The following PARVA variants were observed in gnomAD, a reference collection of about 807,000 sequenced individuals.
PARVA encodes parvin alpha.
A neutral mutation model predicts 52.6 loss-of-function variants in PARVA; 25 were observed. The ratio of observed to expected loss-of-function variants is 0.48; its 90% CI spans 0.35 to 0.66. The LOEUF (loss-of-function observed/expected upper bound fraction) is 0.66. PARVA is among the 30% of genes least tolerant of loss of function. PARVA has a pLI of 0.01. For missense variants in PARVA, 373 were observed against 450.9 expected (o/e 0.83, Z 1.56); for synonymous variants, 185 against 179.1 (o/e 1.03, Z -0.26).
At chr11:12,526,553 A>G (rs1252549806) in intron 12 of PARVA, among the ~76,000 whole-genome samples, 3 of 152,196 alleles carry the variant, frequency 2.0e-5, no homozygotes, top group Admixed American at 6.5e-5. Context: ...CAAGCGAGCC[A>G]GCACGCAGCC....
chr11:12,383,879 T>C (rs726705), intron 1 of PARVA, among the ~76,000 whole-genome samples: 15,975 of 152,244 alleles, frequency 0.1, 1,997 homozygotes, highest in African/African-American at 0.31. Context: ...AAACCTGCAT[T>C]GTTCAAGGGG....
intron 1 of PARVA, among the ~76,000 whole-genome samples, chr11:12,386,248 C>T (rs1939570360): frequency 1.3e-5 from 2 of 152,160 alleles, no homozygotes; most frequent in Admixed American, 1.3e-4. Flanking sequence ...TTGCTGTCTC[C>T]TCTATTTCCC....
intron 1 of PARVA, among the ~76,000 whole-genome samples, chr11:12,427,438 C>A (rs950165025): frequency 1.3e-5 from 2 of 152,198 alleles, no homozygotes; most frequent in African/African-American, 4.8e-5. Flanking sequence ...AAATGAAAAT[C>A]ATTGACATGA....
intron 1 of PARVA, among the ~76,000 whole-genome samples, chr11:12,470,480 G>A (rs1204207415): frequency 6.6e-6 from 1 of 152,196 alleles, no homozygotes; most frequent in East Asian, 1.9e-4. Flanking sequence ...ACTTGCCCAA[G>A]GCCACAGAGC....
intron 1 of PARVA, among the ~76,000 whole-genome samples, chr11:12,454,964 A>G (rs1265083251): frequency 1.3e-5 from 2 of 152,230 alleles, no homozygotes; most frequent in Non-Finnish European, 2.9e-5. Flanking sequence ...CTGGTTTGTT[A>G]GAATCAAGAT....
intron 1 of PARVA, among the ~76,000 whole-genome samples, chr11:12,381,061 T>G (rs1017123341): frequency 6.6e-6 from 1 of 152,140 alleles, no homozygotes; most frequent in Admixed American, 6.5e-5. Flanking sequence ...GAACGTCTTC[T>G]GAAGGGCCAG....
chr11:12,395,216 A>G (rs1285618318), intron 1 of PARVA, among the ~76,000 whole-genome samples: 4 of 152,200 alleles, frequency 2.6e-5, no homozygotes, highest in Non-Finnish European at 5.9e-5. Flanking sequence ...TGGGTCTTAC[A>G]ACTCAAACTG....
intron 1 of PARVA, among the ~76,000 whole-genome samples, chr11:12,399,334 C>T (rs150474252): frequency 0.019 from 2,896 of 152,216 alleles, 38 homozygotes; most frequent in Non-Finnish European, 0.029. Context: ...AGGGGCAGTT[C>T]TTTTTTATTT....
At chr11:12,392,135 A>G (rs1259165539) in intron 1 of PARVA, among the ~76,000 whole-genome samples, 3 of 151,996 alleles carry the variant, frequency 2.0e-5, no homozygotes, top group Non-Finnish European at 4.4e-5. Flanking sequence ...ATGGAATAAT[A>G]TATGTGGAAT....
intron 12 of PARVA, among the ~76,000 whole-genome samples, chr11:12,521,017 T>C (rs1288202111): frequency 1.3e-5 from 2 of 152,194 alleles, no homozygotes; most frequent in Admixed American, 1.3e-4. Context: ...GCCACATGTC[T>C]TCAAATGCAC....
intron 1 of PARVA, among the ~76,000 whole-genome samples, chr11:12,413,435 G>T (rs11022347): frequency 0.42 from 63,714 of 152,054 alleles, 13,501 homozygotes; most frequent in East Asian, 0.49. Context: ...AAAAGGATGA[G>T]AATATCTTAC....
intron 7 of PARVA, 50 bp downstream of exon 7, chr11:12,508,692 T>C: frequency 1.5e-6 from 2 of 1,303,084 alleles, no homozygotes; most frequent in Non-Finnish European, 2.2e-6. Flanking sequence ...ACACAGATGT[T>C]TCTCTGAAAT....
At chr11:12,435,018 C>T (rs1311704006) in intron 1 of PARVA, among the ~76,000 whole-genome samples, 2 of 152,200 alleles carry the variant, frequency 1.3e-5, no homozygotes, top group Non-Finnish European at 2.9e-5. Context: ...TGAAAACTCA[C>T]GTATAGATAA....
At chr11:12,508,099 T>TAAAAAAAAAAAAAAAA (rs35314523) in intron 6 of PARVA, among the ~76,000 whole-genome samples, 1 of 91,772 alleles carries the variant, frequency 1.1e-5, no homozygotes, top group Non-Finnish European at 2.0e-5. Context: ...ATTTATCAGT[T>TAAAAAAAAAAAAAAAA]AAAAAAAAAA....
chr11:12,519,029 G>C (rs952636587), intron 12 of PARVA, among the ~76,000 whole-genome samples: 10 of 152,248 alleles, frequency 6.6e-5, no homozygotes, highest in African/African-American at 2.4e-4. Flanking sequence ...TGCTTCTGCA[G>C]CCCCTGCATA....
chr11:12,484,504 GGTGTGT>G (rs35501237), intron 4 of PARVA, among the ~76,000 whole-genome samples: 14,508 of 144,504 alleles, frequency 0.1, 743 homozygotes, highest in African/African-American at 0.12. Context: ...GTTTTGTTTT[GGTGTGT>G]GTGTGTGTGT....
chr11:12,427,415 T>A (rs1466690092), intron 1 of PARVA, among the ~76,000 whole-genome samples: 2 of 152,156 alleles, frequency 1.3e-5, no homozygotes, highest in African/African-American at 4.8e-5. Context: ...TCAAATCCCT[T>A]CCTAGCACAG....
intron 1 of PARVA, among the ~76,000 whole-genome samples, chr11:12,421,048 C>A (rs1001594658): frequency 6.8e-6 from 1 of 147,034 alleles, no homozygotes; most frequent in Admixed American, 6.9e-5. Context: ...CAATCAGTAC[C>A]GGCTCTAAAG....
At position 12,529,904 on chromosome 11, in the gene PARVA, G is replaced by C. The variant is rs1331789240; in HGVS notation, c.*1979G>C. The C allele has an allele frequency of 6.6e-6, 1 of 152,128 alleles. No individual in the cohort carries two copies. The highest frequency in any genetic ancestry group is 2.4e-5 in the African/African-American group (1 of 41,412). 9.4% of individuals were successfully genotyped at this position (152,128 alleles called of 1,614,324 possible). On this transcript the variant is annotated 3_prime_UTR_variant, in exon 13 of 13. Transcript: ENST00000334956. ...ATTTTTTATTAGGAAACACTAAATA[G>C]TGTAATATTTCTTTTGCTTTTAAAA... is the stretch of plus-strand genomic sequence containing the variant.
Sources: gnomAD v4.1 joint callset for allele counts (sites outside exome capture counted in the v4.1 genomes callset) on GRCh38, gnomAD v4.1.1 for gene constraint, MANE v1.5 for transcripts, NCBI Gene and HGNC (gene_info 2026-07-23, HGNC 2026-07-21) for gene names.